The following ZNF804B variants were observed in gnomAD, a reference collection of about 807,000 sequenced individuals.
The protein encoded by ZNF804B is zinc finger protein 804B.
In ZNF804B, 80 loss-of-function variants were observed where a neutral mutation model predicts 101.4. That is an observed-to-expected ratio of 0.79 (90% CI 0.66 to 0.95). The LOEUF is 0.95. ZNF804B is among the 40% of genes least tolerant of loss of function. The pLI, the probability that ZNF804B is intolerant of heterozygous loss-of-function variation, is 0.00. For missense variants in ZNF804B, 1,673 were observed against 1,561.9 expected, an observed-to-expected ratio of 1.07 and a Z score of -1.20; for synonymous variants, 622 against 558.8, an observed-to-expected ratio of 1.11 and a Z score of -1.59.
At position 88,794,723 on chromosome 7, in the gene ZNF804B, G is replaced by A. The variant is rs768442691; in HGVS notation, c.108+34639G>A. ...CCTAGGTGATGTTTCAAAACTGACT[G>A]AAACATTTGTTCATAGTAGTCAGCA... On this transcript the variant is annotated intron_variant, in intron 1 of 3. Coordinates refer to ENST00000333190, the MANE Select transcript of ZNF804B (RefSeq NM_181646.5). 12 of 1,613,458 alleles carry A rather than the reference G, an allele frequency of 7.4e-6. No homozygotes were observed. In the African/African-American group the frequency reaches 1.6e-4, roughly 22 times the overall value.
intron 1 of ZNF804B, among the ~76,000 whole-genome samples, chr7:88,971,416 A>C (rs1026312704): frequency 5.9e-5 from 9 of 151,818 alleles, no homozygotes; most frequent in African/African-American, 2.2e-4. Context: ...TATCATGTAC[A>C]AAACTCTGAG....
chr7:88,997,995 A>G (rs1269876933), intron 1 of ZNF804B, among the ~76,000 whole-genome samples: 1 of 152,020 alleles, frequency 6.6e-6, no homozygotes, highest in African/African-American at 2.4e-5. Context: ...TTATTAGCCT[A>G]CCACGCCTGG....
intron 1 of ZNF804B, among the ~76,000 whole-genome samples, chr7:89,026,584 G>T (rs945055786): frequency 6.6e-6 from 1 of 152,136 alleles, no homozygotes; most frequent in South Asian, 2.1e-4. Flanking sequence ...GTATAACCCT[G>T]GGTGTGGTGA....
chr7:88,814,277 AAC>A (rs1420991576), intron 1 of ZNF804B, among the ~76,000 whole-genome samples: 2 of 152,178 alleles, frequency 1.3e-5, no homozygotes, highest in Non-Finnish European at 2.9e-5. Flanking sequence ...GCTATTATTT[AAC>A]CAGACTGAAT....
At chr7:89,218,122 G>A (rs1302214790) in intron 1 of ZNF804B, 33 bp from the exon 2 acceptor site, 7 of 1,600,488 alleles carry the variant, frequency 4.4e-6, no homozygotes, top group Non-Finnish European at 6.0e-6. Context: ...TTAGAGAGAA[G>A]TCTAACCAAC....
chr7:89,020,114 CCTTTCT>C, intron 1 of ZNF804B, among the ~76,000 whole-genome samples: 1 of 152,090 alleles, frequency 6.6e-6, no homozygotes, highest in South Asian at 2.1e-4. Context: ...AAAGATAGAA[CCTTTCT>C]CTTTCTTTTT....
chr7:89,284,287 A>G (rs988810390), intron 2 of ZNF804B, among the ~76,000 whole-genome samples: 4 of 152,198 alleles, frequency 2.6e-5, no homozygotes, highest in Admixed American at 2.0e-4. Context: ...CATCTCTCCA[A>G]TTGCCTATTG....
At chr7:88,966,551 A>G (rs1208362154) in intron 1 of ZNF804B, among the ~76,000 whole-genome samples, 1 of 151,538 alleles carries the variant, frequency 6.6e-6, no homozygotes, top group African/African-American at 2.4e-5. Flanking sequence ...GCCTTTATGT[A>G]TTAGATAATT....
chr7:89,099,433 C>A (rs986830025), intron 1 of ZNF804B, among the ~76,000 whole-genome samples: 3 of 152,164 alleles, frequency 2.0e-5, no homozygotes, highest in Non-Finnish European at 4.4e-5. Flanking sequence ...TCCACCTGCT[C>A]ACTGGGAAGC....
At chr7:89,305,925 A>G (rs1369521761) in intron 2 of ZNF804B, among the ~76,000 whole-genome samples, 1 of 152,006 alleles carries the variant, frequency 6.6e-6, no homozygotes, top group Non-Finnish European at 1.5e-5. Flanking sequence ...TAAAGGTTAG[A>G]TTGCTTTGTT....
intron 1 of ZNF804B, among the ~76,000 whole-genome samples, chr7:89,007,419 A>C (rs1030175256): frequency 7.6e-6 from 1 of 131,568 alleles, no homozygotes; most frequent in Non-Finnish European, 1.6e-5. Flanking sequence ...CATACTTTGA[A>C]CATGTTATCT....
intron 2 of ZNF804B, among the ~76,000 whole-genome samples, chr7:89,296,268 A>G: frequency 6.6e-6 from 1 of 152,098 alleles, no homozygotes. Context: ...CAGGAAAAAA[A>G]TCTCTATCTA....
At chr7:88,951,121 G>A (rs1264103544) in intron 1 of ZNF804B, among the ~76,000 whole-genome samples, 7 of 151,788 alleles carry the variant, frequency 4.6e-5, no homozygotes, top group Admixed American at 3.9e-4. Context: ...GAAATATTTG[G>A]AGGACTCTAG....
chr7:89,304,686 G>C (rs1398478367), intron 2 of ZNF804B, among the ~76,000 whole-genome samples: 1 of 151,900 alleles, frequency 6.6e-6, no homozygotes, highest in Non-Finnish European at 1.5e-5. Context: ...AGGAGAACCT[G>C]CTAAATTCAA....
At chr7:88,872,718 C>T (rs1227027894) in intron 1 of ZNF804B, among the ~76,000 whole-genome samples, 5 of 149,294 alleles carry the variant, frequency 3.3e-5, no homozygotes, top group East Asian at 4.0e-4. Context: ...GAATATGTGG[C>T]GTTTGGTTTT....
At chr7:88,916,022 T>C (rs1289706729) in intron 1 of ZNF804B, among the ~76,000 whole-genome samples, 1 of 151,998 alleles carries the variant, frequency 6.6e-6, no homozygotes, top group African/African-American at 2.4e-5. Flanking sequence ...CTTAAATTTT[T>C]CCTGTAAAGA....
chr7:88,954,557 C>A (rs1584036817), intron 1 of ZNF804B, among the ~76,000 whole-genome samples: 1 of 149,372 alleles, frequency 6.7e-6, no homozygotes, highest in East Asian at 2.0e-4. Context: ...TAAAACATGC[C>A]CCCCCCCCAC....
intron 1 of ZNF804B, among the ~76,000 whole-genome samples, chr7:88,949,776 C>A (rs1318573321): frequency 6.6e-6 from 1 of 151,862 alleles, no homozygotes; most frequent in Non-Finnish European, 1.5e-5. Flanking sequence ...GGTATTTTTA[C>A]TGTTCCTTAT....
intron 1 of ZNF804B, among the ~76,000 whole-genome samples, chr7:89,125,701 C>A (rs559691300): frequency 6.6e-6 from 1 of 151,996 alleles, no homozygotes; most frequent in African/African-American, 2.4e-5. Flanking sequence ...AGTATCTTAG[C>A]GTGTTTGGTA....
Sources: allele counts gnomAD v4.1 joint callset (sites outside exome capture counted in the v4.1 genomes callset), GRCh38; gene constraint gnomAD v4.1.1; transcripts MANE v1.5; gene names NCBI Gene and HGNC (gene_info 2026-07-23, HGNC 2026-07-21).